Variants in KALRN observed in about 807,000 individuals in gnomAD.
KALRN encodes the protein kalirin RhoGEF kinase, also known as kalirin.
A neutral mutation model predicts 353.7 loss-of-function variants in KALRN; 70 were observed. That is an observed-to-expected ratio of 0.20 (90% CI 0.16 to 0.24). The LOEUF (loss-of-function observed/expected upper bound fraction) is 0.24, where lower values mean the gene tolerates loss of function less well. Ranked by LOEUF, KALRN falls within the 10% of genes least tolerant of loss-of-function variation. KALRN has a pLI of 1.00. For missense variants in KALRN, 2,791 were observed against 3,756.7 expected (o/e 0.74, Z 6.72); for synonymous variants, 1,391 against 1,434.8 (o/e 0.97, Z 0.69).
At chr3:124,397,451 C>T in intron 12 of KALRN, among the ~76,000 whole-genome samples, 1 of 152,186 alleles carries the variant, frequency 6.6e-6, no homozygotes, top group East Asian at 1.9e-4. Flanking sequence ...AAGAACATGG[C>T]TTTCAGAAAG....
intron 6 of KALRN, among the ~76,000 whole-genome samples, chr3:124,314,308 C>T (rs2078587679): frequency 7.8e-6 from 1 of 128,352 alleles, no homozygotes; most frequent in Non-Finnish European, 1.5e-5. Context: ...AATGAGAACA[C>T]TTGGACATAG....
chr3:124,461,911 C>T lies in KALRN; in HGVS notation c.3876C>T (p.Leu1292=). The change falls in exon 24 of 60, where the codon CTC becomes CTT. Residue 1292 remains leucine, a synonymous_variant. Transcript: ENST00000682506. ...CTAGATTTATTATGGCTGAACTACT[C>T]CAGACAGAGAAGGCTTATGTAAGGG... ...RKKEFIMAEL[L]QTEKAYVRDL... The T allele has an allele frequency of 6.2e-7, 1 of 1,613,204 alleles. No individual in the cohort carries two copies. The highest frequency in any genetic ancestry group is 1.1e-5 in the South Asian group (1 of 91,042).
At position 124,618,154 on chromosome 3, in the gene KALRN, G is replaced by A. The variant is rs1039987517; in HGVS notation, c.5183-14266G>A. Among the ~76,000 whole-genome samples, 3 of 132,300 alleles carry A rather than the reference G, an allele frequency of 2.3e-5. No homozygotes were observed. The Admixed American group carries it at 2.7e-4, about 12-fold the overall frequency. The allele number at this position is 132,300 out of a possible 152,430, so 86.8% of individuals were successfully genotyped here. A position where few individuals can be genotyped will look rare whatever the true frequency, so the allele number is the denominator to read the frequency against. ...GATGGAGTCTCGCTCTGTCTCCCAG[G>A]CTGGAGTGCAGCGGCACGATCTCGG... On this transcript the variant is annotated intron_variant, in intron 34 of 59. Transcript: ENST00000682506.
chr3:124,237,630 T>C (rs1004055539), intron 3 of KALRN, among the ~76,000 whole-genome samples: 1 of 152,200 alleles, frequency 6.6e-6, no homozygotes, highest in African/African-American at 2.4e-5. Context: ...CCCAAAGTGC[T>C]GGGATTACAG....
chr3:124,522,793 T>C (rs748146817), intron 33 of KALRN, among the ~76,000 whole-genome samples: 6 of 152,182 alleles, frequency 3.9e-5, no homozygotes, highest in Non-Finnish European at 8.8e-5. Context: ...AGCTATTGCC[T>C]GAGAAATGAG....
chr3:124,327,173 T>TTTGAAAATGCAGACTAAAC (rs2080003000), intron 7 of KALRN, among the ~76,000 whole-genome samples: 2 of 152,174 alleles, frequency 1.3e-5, no homozygotes, highest in African/African-American at 4.8e-5. Flanking sequence ...GGAGAAAGTG[T>TTTGAAAATGCAGACTAAAC]TTGAAAATGC....
chr3:124,725,334 A>G lies in KALRN; in HGVS notation c.*5864A>G, dbSNP rs1036775635. On this transcript the variant is annotated 3_prime_UTR_variant, in exon 60 of 60. Transcript: ENST00000682506. ...TTTCTGCCAAACTTCAGCCTACTCT[A>G]TGGGGAAGGTGAGTAAAACTAGTAG... The G allele has an allele frequency of 2.0e-5, 3 of 152,302 alleles. No individual in the cohort carries two copies. The highest frequency in any genetic ancestry group is 2.1e-4 in the South Asian group (1 of 4,818). The allele number at this position is 152,302 out of a possible 1,614,324, so 9.4% of individuals were successfully genotyped here.
intron 38 of KALRN, among the ~76,000 whole-genome samples, chr3:124,653,072 A>G (rs2083595542): frequency 6.6e-6 from 1 of 152,194 alleles, no homozygotes; most frequent in Admixed American, 6.5e-5. Context: ...CTGTTAGAGT[A>G]TCTCATACCT....
At position 124,267,362 on chromosome 3, in the gene KALRN, A is replaced by G. The variant is rs574849235; in HGVS notation, c.457-1381A>G. Among the ~76,000 whole-genome samples the G allele has an allele frequency of 8.5e-5, 13 of 152,306 alleles. 1 individual carries two copies. The South Asian group carries it at 2.7e-3, about 32-fold the overall frequency. ...ATTCTGCCTCAATAGGTCTGGGGTA[A>G]GGCCTAAGATTCTGCATTTCTAACA... On this transcript the variant is annotated intron_variant, in intron 4 of 59. Transcript: ENST00000682506.
At chr3:124,035,791 G>T (rs758083082) in intron 1 of KALRN, among the ~76,000 whole-genome samples, 2 of 152,238 alleles carry the variant, frequency 1.3e-5, no homozygotes, top group Non-Finnish European at 2.9e-5. Flanking sequence ...TCTCCTGTGG[G>T]ATTCCTATGT....
chr3:124,131,650 T>C (rs981587226), intron 1 of KALRN, among the ~76,000 whole-genome samples: 2 of 152,110 alleles, frequency 1.3e-5, no homozygotes, highest in African/African-American at 4.8e-5. Context: ...GTGGCAGCTG[T>C]GACATCAGGG....
chr3:124,154,365 T>C (rs1478229921), intron 1 of KALRN, among the ~76,000 whole-genome samples: 1 of 152,184 alleles, frequency 6.6e-6, no homozygotes. Flanking sequence ...GAAAACCCCA[T>C]TGTCTCAGCC....
rs762977163 is a variant in KALRN, at chr3:124,719,353, C to G, written c.8844C>G (p.Ile2948Met). ...LQPHNGSYSK[I>M]PLDTSRLACF... Reference sequence around the variant, plus strand: ...CCCATAATGGCAGCTACTCTAAGATCCCCCTGGACACCTCCCGCCTAGCAT... The same window carrying G: ...CCCATAATGGCAGCTACTCTAAGATGCCCCTGGACACCTCCCGCCTAGCAT... Residue 2948 changes from isoleucine (I) to methionine (M), a missense_variant, in exon 60 of 60, where the codon ATC becomes ATG. Physicochemically the swap from Ile to Met is conservative, Grantham distance 10 (BLOSUM62 1). Transcript: ENST00000682506. The surrounding 1 kb of genome is among the most constrained non-coding windows in gnomAD (Gnocchi z 5.3). 6.2e-7 allele frequency: 1 copy of G among 1,614,224 alleles called. No individual in the cohort carries two copies.
intron 21 of KALRN, among the ~76,000 whole-genome samples, chr3:124,453,909 T>C (rs1042254178): frequency 7.2e-5 from 11 of 152,188 alleles, no homozygotes; most frequent in Non-Finnish European, 1.6e-4. Context: ...TGACATTCAA[T>C]TACATAATGC....
At position 124,455,369 on chromosome 3, in the gene KALRN, G is replaced by A. The variant is rs751913771; in HGVS notation, c.3735+10G>A. 6.2e-7 allele frequency: 1 copy of A among 1,612,252 alleles called. No individual in the cohort carries two copies. The highest frequency in any genetic ancestry group is 1.1e-5 in the South Asian group (1 of 90,948). Reference sequence around the variant, plus strand: ...AGGAGTCAACACAGAGGTAGGCAGGGGTATTGTCCTCTGGGACATCCTCCC... The same window carrying A: ...AGGAGTCAACACAGAGGTAGGCAGGAGTATTGTCCTCTGGGACATCCTCCC... On this transcript the variant is annotated intron_variant, in intron 22 of 59. Transcript: ENST00000682506.
intron 25 of KALRN, among the ~76,000 whole-genome samples, chr3:124,469,997 G>C (rs912769633): frequency 2.0e-5 from 3 of 152,160 alleles, no homozygotes; most frequent in African/African-American, 7.2e-5. Context: ...ACAAAACTCA[G>C]AAAGCTTTCT....
intron 3 of KALRN, among the ~76,000 whole-genome samples, chr3:124,259,751 A>G (rs1312587275): frequency 6.6e-6 from 1 of 152,220 alleles, no homozygotes; most frequent in Admixed American, 6.5e-5. Context: ...GGGAAGATGG[A>G]CAGTAAATAA....
chr3:124,206,384 A>C (rs1006495511), intron 1 of KALRN, among the ~76,000 whole-genome samples: 53 of 152,262 alleles, frequency 3.5e-4, no homozygotes, highest in Middle Eastern at 6.8e-3. Flanking sequence ...ACTTCTGCTC[A>C]CCTTCCATTG....
chr3:124,132,418 A>T (rs544915707), intron 1 of KALRN, among the ~76,000 whole-genome samples: 3 of 152,342 alleles, frequency 2.0e-5, no homozygotes, highest in Admixed American at 2.0e-4. Flanking sequence ...GAAGAAACTT[A>T]GTGAGAGGGA....
Sources: gnomAD v4.1 joint callset for allele counts (sites outside exome capture counted in the v4.1 genomes callset) on GRCh38, gnomAD v4.1.1 for gene constraint, Gnocchi (gnomAD v3.1) non-coding constraint, MANE v1.5 for transcripts, NCBI Gene and HGNC (gene_info 2026-07-23, HGNC 2026-07-21) for gene names.